TCF12: variants seen among roughly 807,000 people sequenced by gnomAD.
TCF12 encodes the protein DNA-binding protein HTF4.
Under a neutral mutation model 86.0 loss-of-function variants are expected in TCF12, and 45 were observed. The observed-to-expected ratio is 0.52, with a 90% CI of 0.41 to 0.67. The LOEUF (loss-of-function observed/expected upper bound fraction) is 0.67. Ranked by LOEUF, TCF12 falls within the 30% of genes least tolerant of loss-of-function variation. The pLI is 0.00. For synonymous variants in TCF12, 330 were observed against 299.6 expected (o/e 1.10, Z -1.05); for missense variants, 881 against 859.9 (o/e 1.02, Z -0.31).
chr15:56,923,614 GA>G (rs1344263146), intron 3 of TCF12, among the ~76,000 whole-genome samples: 1 of 152,116 alleles, frequency 6.6e-6, no homozygotes, highest in Non-Finnish European at 1.5e-5. Flanking sequence ...TGTATAGAAG[GA>G]AAGTTGGTTA....
intron 3 of TCF12, among the ~76,000 whole-genome samples, chr15:56,972,757 T>TA (rs535298894): frequency 6.6e-6 from 1 of 151,994 alleles, no homozygotes; most frequent in Non-Finnish European, 1.5e-5. Flanking sequence ...TTCTCATACT[T>TA]AAAAAAATCA....
At chr15:57,062,164 G>A (rs2068507249) in intron 3 of TCF12, among the ~76,000 whole-genome samples, 1 of 152,176 alleles carries the variant, frequency 6.6e-6, no homozygotes, top group South Asian at 2.1e-4. Flanking sequence ...CTCCGTATTA[G>A]CCAGGATGGT....
At chr15:57,253,851 T>C (rs895418716) in intron 16 of TCF12, among the ~76,000 whole-genome samples, 8 of 152,214 alleles carry the variant, frequency 5.3e-5, no homozygotes, top group African/African-American at 1.7e-4. Flanking sequence ...AATGTGAAAC[T>C]GTAATTTATA....
At chr15:57,030,735 ATAATT>A (rs1381061035) in intron 3 of TCF12, among the ~76,000 whole-genome samples, 3 of 152,216 alleles carry the variant, frequency 2.0e-5, no homozygotes, top group African/African-American at 7.2e-5. Context: ...TTTTGAAAAT[ATAATT>A]TAATTTCCAT....
At chr15:57,135,265 C>G (rs1207921813) in intron 5 of TCF12, among the ~76,000 whole-genome samples, 2 of 152,030 alleles carry the variant, frequency 1.3e-5, no homozygotes, top group African/African-American at 4.8e-5. Context: ...TTATTTCCTT[C>G]CTGTAATTGG....
intron 3 of TCF12, among the ~76,000 whole-genome samples, chr15:57,047,202 G>A (rs1351756264): frequency 6.6e-6 from 1 of 152,172 alleles, no homozygotes; most frequent in Non-Finnish European, 1.5e-5. Context: ...TTACATACTT[G>A]ATAGGTATTC....
chr15:56,954,865 C>G (rs2061433126), intron 3 of TCF12, among the ~76,000 whole-genome samples: 1 of 152,136 alleles, frequency 6.6e-6, no homozygotes, highest in Non-Finnish European at 1.5e-5. Context: ...CATCTCACGC[C>G]AGTTAGAATG....
At chr15:57,033,564 G>C (rs2066331053) in intron 3 of TCF12, among the ~76,000 whole-genome samples, 1 of 151,936 alleles carries the variant, frequency 6.6e-6, no homozygotes, top group Non-Finnish European at 1.5e-5. Flanking sequence ...AGCAATTCTT[G>C]GTATGTACAA....
chr15:57,052,086 T>G (rs2067668863), intron 3 of TCF12, among the ~76,000 whole-genome samples: 1 of 152,242 alleles, frequency 6.6e-6, no homozygotes, highest in South Asian at 2.1e-4. Context: ...TAGACGTTAA[T>G]TATGAGAGTT....
intron 4 of TCF12, among the ~76,000 whole-genome samples, chr15:57,091,178 C>G (rs1367511742): frequency 6.6e-6 from 1 of 151,946 alleles, no homozygotes; most frequent in South Asian, 2.1e-4. Flanking sequence ...ATATATTGTT[C>G]TACTACAGTA....
chr15:56,921,070 A>C lies in TCF12; in HGVS notation c.120A>C (p.Thr40=). ...ATAGTGGGAAAACTAGACCAACTAC[A>C]CTGGGAAGCAGTCAATTCAGTGGAT... ...PVNSGKTRPT[T]LGSSQFSGSG... The change falls in exon 3 of 21, where the codon ACA becomes ACC. Residue 40 remains threonine (T), a synonymous_variant. Transcript: ENST00000333725. 6.2e-7 allele frequency: 1 copy of C among 1,609,446 alleles called. No individual in the cohort carries two copies. Among genetic ancestry groups the C allele is most frequent in the Non-Finnish European group, 8.5e-7 (1 of 1,177,458 alleles).
chr15:57,119,017 C>G (rs1596624222), intron 5 of TCF12, among the ~76,000 whole-genome samples: 1 of 152,002 alleles, frequency 6.6e-6, no homozygotes, highest in Admixed American at 6.5e-5. Flanking sequence ...TTTGTTTTAT[C>G]ATGTACTGTG....
intron 3 of TCF12, among the ~76,000 whole-genome samples, chr15:56,986,703 C>G (rs1378839337): frequency 6.6e-6 from 1 of 152,096 alleles, no homozygotes; most frequent in African/African-American, 2.4e-5. Context: ...TACACAGTAT[C>G]TTTTAAACAC....
At chr15:57,108,933 CTA>C (rs749431843) in intron 5 of TCF12, among the ~76,000 whole-genome samples, 113 of 152,112 alleles carry the variant, frequency 7.4e-4, no homozygotes, top group East Asian at 2.9e-3. Flanking sequence ...TTATAATAAA[CTA>C]TGGTGAATTA....
chr15:57,220,608 A>G (rs954344693), intron 8 of TCF12, among the ~76,000 whole-genome samples: 1 of 152,192 alleles, frequency 6.6e-6, no homozygotes, highest in Non-Finnish European at 1.5e-5. Flanking sequence ...TTGCTAAACA[A>G]GAGTTCTATT....
chr15:57,220,077 T>C (rs933020309), intron 8 of TCF12, among the ~76,000 whole-genome samples: 1 of 152,192 alleles, frequency 6.6e-6, no homozygotes, highest in African/African-American at 2.4e-5. Flanking sequence ...GTCTGCTACA[T>C]AGCTACTCAA....
intron 3 of TCF12, among the ~76,000 whole-genome samples, chr15:56,932,603 C>T (rs966274727): frequency 2.0e-5 from 3 of 152,024 alleles, no homozygotes. Context: ...GAGTGTGGCT[C>T]TGTCGCCCAG....
chr15:57,176,394 G>A (rs1460670189), intron 6 of TCF12, among the ~76,000 whole-genome samples: 1 of 152,136 alleles, frequency 6.6e-6, no homozygotes, highest in East Asian at 1.9e-4. Flanking sequence ...ACATGTATAA[G>A]CACAGACAGC....
intron 5 of TCF12, among the ~76,000 whole-genome samples, chr15:57,130,430 C>T (rs1294538555): frequency 2.0e-5 from 3 of 152,100 alleles, no homozygotes; most frequent in African/African-American, 2.4e-5. Flanking sequence ...CTTCACACAA[C>T]TCCAGAGAAA....
Sources: gnomAD v4.1 joint callset for allele counts (sites outside exome capture counted in the v4.1 genomes callset) on GRCh38, gnomAD v4.1.1 for gene constraint, MANE v1.5 for transcripts, NCBI Gene and HGNC (gene_info 2026-07-23, HGNC 2026-07-21) for gene names.